Variants in BTBD16 observed in about 807,000 individuals in gnomAD.
The protein encoded by BTBD16 is BTB domain containing 16.
BTBD16 carries 66 observed loss-of-function variants against 67.4 expected under a neutral mutation model. The observed-to-expected ratio is 0.98, with a 90% confidence interval of 0.80 to 1.20. The LOEUF (loss-of-function observed/expected upper bound fraction) is 1.20. Among genes scored for constraint, BTBD16 ranks in the 50% most tolerant of loss-of-function variants. BTBD16 has a pLI of 0.00. For synonymous variants in BTBD16, 242 were observed against 236.4 expected (o/e 1.02, Z -0.22); for missense variants, 634 against 616.0 (o/e 1.03, Z -0.31).
intron 10 of BTBD16, among the ~76,000 whole-genome samples, chr10:122,325,747 C>T (rs1481183702): frequency 6.6e-6 from 1 of 151,752 alleles, no homozygotes; most frequent in East Asian, 1.9e-4. Flanking sequence ...ATGATCTTGG[C>T]TCACTGCAAC....
intron 10 of BTBD16, among the ~76,000 whole-genome samples, chr10:122,313,355 C>T (rs1453257340): frequency 3.3e-5 from 5 of 149,850 alleles, no homozygotes; most frequent in African/African-American, 1.2e-4. Flanking sequence ...ATCTCTGCCT[C>T]CCGGGTTCAA....
chr10:122,306,040 G>A (rs375132155), intron 9 of BTBD16, among the ~76,000 whole-genome samples: 9 of 152,110 alleles, frequency 5.9e-5, no homozygotes, highest in South Asian at 2.1e-4. Flanking sequence ...AATAGTGTCC[G>A]CGGGCTTTAA....
intron 5 of BTBD16, 152 bp downstream of exon 5, chr10:122,286,400 G>T: frequency 8.7e-7 from 1 of 1,144,532 alleles, no homozygotes; most frequent in Non-Finnish European, 1.2e-6. Flanking sequence ...GACAGCCTCA[G>T]TTTCCTCAAG....
At chr10:122,324,365 AC>A (rs2096440796) in intron 10 of BTBD16, among the ~76,000 whole-genome samples, 1 of 152,170 alleles carries the variant, frequency 6.6e-6, no homozygotes, top group Non-Finnish European at 1.5e-5. Context: ...CATGCCCTGT[AC>A]CATGGGTGCC....
chr10:122,306,804 A>G (rs1213894515), intron 9 of BTBD16, among the ~76,000 whole-genome samples: 1 of 152,208 alleles, frequency 6.6e-6, no homozygotes, highest in Non-Finnish European at 1.5e-5. Flanking sequence ...GTTAATCTCA[A>G]TTTCTACATC....
chr10:122,273,560 A>T (rs2096333923), intron 1 of BTBD16, among the ~76,000 whole-genome samples: 1 of 152,036 alleles, frequency 6.6e-6, no homozygotes, highest in Non-Finnish European at 1.5e-5. Context: ...GGCAATATAG[A>T]TCAGTCTGGG....
chr10:122,285,973 C>A, intron 4 of BTBD16, 132 bp from the exon 5 acceptor site: 1 of 883,840 alleles, frequency 1.1e-6, no homozygotes, highest in Non-Finnish European at 1.8e-6. Context: ...TCTGAGATGC[C>A]TGGGGAGGCT....
intron 9 of BTBD16, among the ~76,000 whole-genome samples, chr10:122,305,569 C>A (rs1266125756): frequency 1.3e-5 from 2 of 152,172 alleles, no homozygotes; most frequent in African/African-American, 4.8e-5. Context: ...TGAGGCCTCT[C>A]CAGAAGCCAA....
At chr10:122,328,010 C>T (rs1206498115) in intron 10 of BTBD16, among the ~76,000 whole-genome samples, 1 of 152,204 alleles carries the variant, frequency 6.6e-6, no homozygotes, top group Admixed American at 6.5e-5. Context: ...CTGGCTTGTC[C>T]CCAGAGCACT....
At chr10:122,311,186 A>C (rs1464894452) in intron 10 of BTBD16, among the ~76,000 whole-genome samples, 3 of 152,174 alleles carry the variant, frequency 2.0e-5, no homozygotes, top group Non-Finnish European at 4.4e-5. Context: ...TCAGACACTG[A>C]CATAATGTTG....
In BTBD16 at chr10:122,283,942, A is replaced by G. The variant is rs2096358223; in HGVS notation, c.241+18A>G. ...GGAAGCAGGTGAGTTTGTGTTATCC[A>G]TGGATTAAGCCAGAATGTTGCTGAT... On this transcript the variant is annotated intron_variant, in intron 4 of 15. Coordinates refer to ENST00000260723, the MANE Select transcript of BTBD16 (RefSeq NM_144587.5). 2 of 1,585,266 alleles carry G rather than the reference A, an allele frequency of 1.3e-6. No individual in the cohort carries two copies. Among genetic ancestry groups the G allele is most frequent in the Admixed American group, 1.7e-5 (1 of 59,978 alleles).
chr10:122,315,098 C>A (rs1195561983), intron 10 of BTBD16, among the ~76,000 whole-genome samples: 1 of 152,146 alleles, frequency 6.6e-6, no homozygotes, highest in African/African-American at 2.4e-5. Context: ...ATCTTACCAA[C>A]TTTACTAAAT....
intron 14 of BTBD16, 96 bp from the exon 15 acceptor site, chr10:122,336,398 A>G (rs2096463226): frequency 9.0e-7 from 1 of 1,109,096 alleles, no homozygotes; most frequent in East Asian, 2.9e-5. Context: ...GCCTGCACAC[A>G]TTATATACCA....
intron 2 of BTBD16, among the ~76,000 whole-genome samples, chr10:122,276,179 G>T (rs7893461): frequency 0.12 from 18,255 of 152,240 alleles, 1,967 homozygotes; most frequent in African/African-American, 0.29. Context: ...GGGCTAATCT[G>T]AGAAAGCAGG....
chr10:122,306,470 T>A (rs889085389), intron 9 of BTBD16, among the ~76,000 whole-genome samples: 2 of 152,238 alleles, frequency 1.3e-5, no homozygotes, highest in Non-Finnish European at 2.9e-5. Flanking sequence ...CTTTCACAGA[T>A]GAGGACATTG....
intron 7 of BTBD16, among the ~76,000 whole-genome samples, chr10:122,296,379 C>T (rs776910862): frequency 6.6e-6 from 1 of 152,170 alleles, no homozygotes; most frequent in Non-Finnish European, 1.5e-5. Flanking sequence ...GCCTTCTGGT[C>T]TGGCCTTATG....
intron 10 of BTBD16, among the ~76,000 whole-genome samples, chr10:122,312,860 T>G (rs1050891211): frequency 3.3e-5 from 5 of 152,154 alleles, no homozygotes; most frequent in African/African-American, 1.2e-4. Context: ...TGTGGCTGGC[T>G]TTCTCACTTT....
intron 7 of BTBD16, among the ~76,000 whole-genome samples, chr10:122,294,951 G>C (rs978000384): frequency 6.6e-6 from 1 of 152,266 alleles, no homozygotes; most frequent in South Asian, 2.1e-4. Flanking sequence ...TCCTGGACCC[G>C]ATGAGGGTGG....
intron 10 of BTBD16, among the ~76,000 whole-genome samples, chr10:122,312,292 CTTTT>C: frequency 6.9e-6 from 1 of 145,440 alleles, no homozygotes; most frequent in African/African-American, 2.5e-5. Context: ...CAGTCTTTCA[CTTTT>C]CTTTTTCTTT....
Sources: gnomAD v4.1 joint callset for allele counts (sites outside exome capture counted in the v4.1 genomes callset) on GRCh38, gnomAD v4.1.1 for gene constraint, MANE v1.5 for transcripts, NCBI Gene and HGNC (gene_info 2026-07-23, HGNC 2026-07-21) for gene names.